Variants in FAM3C observed in about 807,000 individuals in gnomAD.
FAM3C encodes the protein protein FAM3C.
FAM3C carries 15 observed loss-of-function variants against 32.5 expected under a neutral mutation model. The ratio of observed to expected loss-of-function variants is 0.46; its 90% CI spans 0.31 to 0.71. FAM3C has a LOEUF of 0.71. Among genes scored for constraint, FAM3C ranks in the 30% least tolerant of loss-of-function variants. The pLI is 0.05. For synonymous variants in FAM3C, 75 were observed against 86.1 expected (o/e 0.87, Z 0.72); for missense variants, 175 against 274.4 (o/e 0.64, Z 2.56).
rs1179714498 is a variant in FAM3C at position 121,372,141 on chromosome 7, T to C, written c.119-2A>G. The C allele has an allele frequency of 8.8e-6, 14 of 1,599,000 alleles. No individual in the cohort carries two copies. The highest frequency in any genetic ancestry group is 1.2e-5 in the Non-Finnish European group (14 of 1,171,434). On this transcript the variant is annotated splice_acceptor_variant, in intron 3 of 9. Coordinates refer to ENST00000359943, the MANE Select transcript of FAM3C (RefSeq NM_014888.3). LOFTEE classifies it high-confidence loss of function. ...CAGCTGTGTCCAATGCTGATCTTGC[T>C]GAAAAAAAAAAATTACTTTTGTTAG...
intron 1 of FAM3C, among the ~76,000 whole-genome samples, chr7:121,394,370 C>G (rs1249900132): frequency 6.6e-6 from 1 of 152,160 alleles, no homozygotes; most frequent in African/African-American, 2.4e-5. Flanking sequence ...ATGCTTAAGG[C>G]AGCAATCCAC....
At chr7:121,375,254 T>A (rs986981055) in intron 3 of FAM3C, among the ~76,000 whole-genome samples, 2 of 152,212 alleles carry the variant, frequency 1.3e-5, no homozygotes, top group African/African-American at 4.8e-5. Flanking sequence ...GGGGAATTTA[T>A]GCAAAGTTCT....
chr7:121,378,631 T>C (rs763940855), intron 3 of FAM3C, among the ~76,000 whole-genome samples: 11 of 152,224 alleles, frequency 7.2e-5, no homozygotes, highest in Non-Finnish European at 1.6e-4. Context: ...TTTTATGTTT[T>C]AGAATGTGCA....
intron 3 of FAM3C, among the ~76,000 whole-genome samples, chr7:121,373,519 A>G (rs1035373301): frequency 1.3e-5 from 2 of 152,198 alleles, no homozygotes; most frequent in African/African-American, 4.8e-5. Context: ...TCAATGCTTA[A>G]TTTCTTTCTG....
At chr7:121,387,247 T>TG (rs1794484422) in intron 1 of FAM3C, among the ~76,000 whole-genome samples, 1 of 152,112 alleles carries the variant, frequency 6.6e-6, no homozygotes, top group Admixed American at 6.6e-5. Context: ...TTTTGGCTTG[T>TG]GGGCCATACA....
chr7:121,369,939 T>TAA (rs3068113), intron 5 of FAM3C, among the ~76,000 whole-genome samples: 38,749 of 152,010 alleles, frequency 0.25, 5,895 homozygotes, highest in African/African-American at 0.44. Context: ...AACCTGCTAG[T>TAA]AAACAGTCTG....
Position 121,350,539 on chromosome 7 carries a change from G to A in FAM3C, c.606C>T (p.Asn202=). ...CTTCATATTTGTTTGTATCCTTATT[G>A]TTCTTTATGTGCTATTGGAACACAG... The part of the protein sequence containing the change: ...TKSPFEQHIK[N]NKDTNKYEGW... Residue 202 remains asparagine, a synonymous_variant, in exon 10 of 10, where the codon AAC becomes AAT. Coordinates refer to ENST00000359943, the MANE Select transcript of FAM3C (RefSeq NM_014888.3). 1.2e-6 allele frequency: 2 copies of A among 1,612,684 alleles called. No homozygotes were observed. The highest frequency in any genetic ancestry group is 1.7e-6 in the Non-Finnish European group (2 of 1,179,264).
At chr7:121,374,249 A>G (rs954455903) in intron 3 of FAM3C, among the ~76,000 whole-genome samples, 2 of 152,208 alleles carry the variant, frequency 1.3e-5, no homozygotes, top group African/African-American at 4.8e-5. Context: ...ATCTCTCTGT[A>G]TATTCAAATG....
intron 1 of FAM3C, among the ~76,000 whole-genome samples, chr7:121,387,090 A>G (rs1311182179): frequency 6.6e-6 from 1 of 152,146 alleles, no homozygotes; most frequent in African/African-American, 2.4e-5. Context: ...GAAAGCAACC[A>G]TAGCCAACAT....
chr7:121,371,216 A>T, intron 5 of FAM3C, 84 bp downstream of exon 5: 1 of 1,493,080 alleles, frequency 6.7e-7, no homozygotes, highest in Non-Finnish European at 9.2e-7. Context: ...TACCGAACAC[A>T]TTTTCAAAAT....
At chr7:121,367,693 G>A (rs981017352) in intron 5 of FAM3C, among the ~76,000 whole-genome samples, 3 of 152,090 alleles carry the variant, frequency 2.0e-5, no homozygotes, top group East Asian at 3.9e-4. Context: ...GTGCTCTAAC[G>A]AGAAAGAAAA....
chr7:121,373,113 TCTA>T (rs1253352789), intron 3 of FAM3C, among the ~76,000 whole-genome samples: 2 of 152,162 alleles, frequency 1.3e-5, no homozygotes, highest in Non-Finnish European at 2.9e-5. Flanking sequence ...AGAAACCTTA[TCTA>T]CACTTTACTG....
intron 1 of FAM3C, among the ~76,000 whole-genome samples, chr7:121,388,896 GC>G (rs2116966708): frequency 6.6e-6 from 1 of 152,228 alleles, no homozygotes; most frequent in South Asian, 2.1e-4. Context: ...GGCAAGTTCA[GC>G]TTTCCTCCAC....
intron 5 of FAM3C, 166 bp from the exon 6 acceptor site, chr7:121,364,354 A>G (rs1385560449): frequency 3.9e-6 from 2 of 512,728 alleles, no homozygotes; most frequent in East Asian, 6.3e-5. Context: ...AAGACAGTCT[A>G]ATACTGAATA....
At chr7:121,388,990 T>C (rs1794523969) in intron 1 of FAM3C, among the ~76,000 whole-genome samples, 2 of 152,146 alleles carry the variant, frequency 1.3e-5, no homozygotes, top group Admixed American at 6.6e-5. Context: ...AAAACTTCTA[T>C]CTACAGCAAT....
intron 3 of FAM3C, among the ~76,000 whole-genome samples, chr7:121,376,992 T>C (rs1041864978): frequency 3.9e-5 from 6 of 152,152 alleles, no homozygotes; most frequent in African/African-American, 2.4e-5. Flanking sequence ...CGGAGTGATA[T>C]GGTTTGGCTG....
chr7:121,383,499 G>A (rs1794403511), intron 1 of FAM3C, among the ~76,000 whole-genome samples: 1 of 152,112 alleles, frequency 6.6e-6, no homozygotes, highest in Non-Finnish European at 1.5e-5. Context: ...ACTACCATAA[G>A]CATTTACAGC....
chr7:121,388,884 T>C (rs1794520554), intron 1 of FAM3C, among the ~76,000 whole-genome samples: 1 of 152,174 alleles, frequency 6.6e-6, no homozygotes, highest in Admixed American at 6.5e-5. Context: ...GGGATTATAC[T>C]AGGCAAGTTC....
intron 1 of FAM3C, among the ~76,000 whole-genome samples, chr7:121,393,083 G>C (rs1235162107): frequency 6.6e-6 from 1 of 152,186 alleles, no homozygotes; most frequent in African/African-American, 2.4e-5. Context: ...ATGAATATGG[G>C]GTTTCCTTTT....
Sources: allele counts gnomAD v4.1 joint callset (sites outside exome capture counted in the v4.1 genomes callset), GRCh38; gene constraint gnomAD v4.1.1; transcripts MANE v1.5; gene names NCBI Gene and HGNC (gene_info 2026-07-23, HGNC 2026-07-21).